Variants in THSD7A observed in about 807,000 individuals in gnomAD.
THSD7A encodes the protein thrombospondin type 1 domain containing 7A.
In THSD7A, 96 loss-of-function variants were observed where a neutral mutation model predicts 231.3. The observed-to-expected ratio is 0.41, with a 90% CI of 0.35 to 0.49. The LOEUF is 0.49. Ranked by LOEUF, THSD7A falls within the 20% of genes least tolerant of loss-of-function variation. THSD7A has a pLI of 0.05. For missense variants in THSD7A, 2,290 were observed against 2,070.2 expected (o/e 1.11, Z -2.06); for synonymous variants, 940 against 743.3 (o/e 1.26, Z -4.30).
At chr7:11,690,611 G>T (rs1780203482) in intron 1 of THSD7A, among the ~76,000 whole-genome samples, 1 of 151,798 alleles carries the variant, frequency 6.6e-6, no homozygotes, top group South Asian at 2.1e-4. Context: ...GAGGACTCTT[G>T]CTCCAGGGAA....
chr7:11,542,354 G>A (rs1481536174), intron 5 of THSD7A, among the ~76,000 whole-genome samples: 2 of 152,148 alleles, frequency 1.3e-5, no homozygotes, highest in African/African-American at 2.4e-5. Flanking sequence ...AAACAAAATT[G>A]AAAAATGTTT....
intron 1 of THSD7A, chr7:11,820,978 C>A: frequency 9.7e-7 from 1 of 1,035,368 alleles, no homozygotes; most frequent in Non-Finnish European, 1.4e-6. Context: ...AGGCGGAGAT[C>A]AACAGGATCA....
intron 4 of THSD7A, among the ~76,000 whole-genome samples, chr7:11,560,516 T>C (rs956941101): frequency 2.6e-5 from 4 of 152,184 alleles, no homozygotes; most frequent in Non-Finnish European, 5.9e-5. Flanking sequence ...CCAGCTAATA[T>C]AAATGAGTTC....
At chr7:11,464,897 G>A (rs915160493) in intron 9 of THSD7A, among the ~76,000 whole-genome samples, 6 of 152,134 alleles carry the variant, frequency 3.9e-5, no homozygotes, top group Admixed American at 2.0e-4. Context: ...AAGTTACAGC[G>A]CTGTAGAGCT....
chr7:11,485,658 C>A (rs1293526490), intron 6 of THSD7A, among the ~76,000 whole-genome samples: 1 of 152,034 alleles, frequency 6.6e-6, no homozygotes, highest in Admixed American at 6.6e-5. Flanking sequence ...CACCAATACC[C>A]CAATCTGCTT....
intron 1 of THSD7A, among the ~76,000 whole-genome samples, chr7:11,808,710 G>A (rs1268918358): frequency 1.3e-5 from 2 of 152,042 alleles, no homozygotes; most frequent in Admixed American, 1.3e-4. Flanking sequence ...ACTAGTACAT[G>A]TATAAACTAT....
intron 4 of THSD7A, among the ~76,000 whole-genome samples, chr7:11,572,566 T>A (rs577532305): frequency 6.6e-5 from 10 of 152,186 alleles, no homozygotes; most frequent in Non-Finnish European, 8.8e-5. Context: ...TGCAGTGCAG[T>A]GGCGCAATCA....
chr7:11,425,651 A>C (rs1006103485), intron 15 of THSD7A, among the ~76,000 whole-genome samples: 13 of 152,010 alleles, frequency 8.6e-5, no homozygotes, highest in Non-Finnish European at 1.6e-4. Flanking sequence ...ATCCATTGCA[A>C]CCAAGCTGAC....
At chr7:11,588,505 C>T (rs954987056) in intron 4 of THSD7A, among the ~76,000 whole-genome samples, 2 of 152,088 alleles carry the variant, frequency 1.3e-5, no homozygotes, top group Non-Finnish European at 2.9e-5. Context: ...TTGACCTTTG[C>T]TTTGGCATTT....
chr7:11,387,434 C>T (rs566768426), intron 23 of THSD7A, among the ~76,000 whole-genome samples: 39 of 151,886 alleles, frequency 2.6e-4, no homozygotes, highest in Non-Finnish European at 5.0e-4. Flanking sequence ...TCACATCCCT[C>T]GTAGGTTGTA....
intron 4 of THSD7A, among the ~76,000 whole-genome samples, chr7:11,589,953 C>G (rs557518789): frequency 3.3e-5 from 5 of 151,992 alleles, no homozygotes; most frequent in Admixed American, 1.3e-4. Context: ...TTAAAAAATG[C>G]CTTTGGGTTA....
intron 23 of THSD7A, among the ~76,000 whole-genome samples, chr7:11,387,160 GTTC>G (rs1782780306): frequency 6.6e-6 from 1 of 152,104 alleles, no homozygotes; most frequent in Admixed American, 6.6e-5. Flanking sequence ...CTCCAGCTTT[GTTC>G]TTTTTGCTTA....
At chr7:11,785,333 C>A (rs1783756356) in intron 1 of THSD7A, among the ~76,000 whole-genome samples, 1 of 152,062 alleles carries the variant, frequency 6.6e-6, no homozygotes, top group Non-Finnish European at 1.5e-5. Flanking sequence ...GACTCCTGGC[C>A]TCAAGTGAAC....
intron 13 of THSD7A, among the ~76,000 whole-genome samples, chr7:11,445,832 C>A (rs1188767927): frequency 6.6e-6 from 1 of 151,992 alleles, no homozygotes; most frequent in Non-Finnish European, 1.5e-5. Context: ...TGGGCCCCAT[C>A]AGGCTTCCTG....
At chr7:11,475,718 T>C (rs1359045269) in intron 7 of THSD7A, among the ~76,000 whole-genome samples, 1 of 150,422 alleles carries the variant, frequency 6.6e-6, no homozygotes, top group Non-Finnish European at 1.5e-5. Flanking sequence ...TAAAATCATT[T>C]AGCTGTAAAA....
chr7:11,674,214 C>T (rs1486240164), intron 1 of THSD7A, among the ~76,000 whole-genome samples: 3 of 152,056 alleles, frequency 2.0e-5, no homozygotes, highest in Non-Finnish European at 4.4e-5. Context: ...TAGGCACCAC[C>T]AAAGCCTGGA....
At position 11,634,870 on chromosome 7, in the gene THSD7A, T is replaced by C. The variant is rs1460518985; in HGVS notation, c.1022+1260A>G. Among the ~76,000 whole-genome samples, 1 of 152,112 alleles carries C rather than the reference T, an allele frequency of 6.6e-6. No homozygotes were observed. The highest frequency in any genetic ancestry group is 2.4e-5 in the African/African-American group (1 of 41,426). ...AATTTTTGTTTATCTAATTAAACTA[T>C]ATCCTTTTCCAAAAACACTTTAAAC... On this transcript the variant is annotated intron_variant, in intron 2 of 27. Transcript: ENST00000423059. The surrounding 1 kb of genome is among the most constrained non-coding windows in gnomAD (Gnocchi z 4.1).
At chr7:11,525,623 T>C (rs926113563) in intron 6 of THSD7A, among the ~76,000 whole-genome samples, 8 of 152,156 alleles carry the variant, frequency 5.3e-5, no homozygotes, top group Admixed American at 5.2e-4. Context: ...TCTGTAGTTG[T>C]CAGAAGTGTA....
At chr7:11,608,965 C>T (rs1780829710) in intron 2 of THSD7A, among the ~76,000 whole-genome samples, 1 of 152,162 alleles carries the variant, frequency 6.6e-6, no homozygotes, top group Admixed American at 6.6e-5. Flanking sequence ...AGAACATTTT[C>T]AAATCATCTG....
Sources: gnomAD v4.1 joint callset for allele counts (sites outside exome capture counted in the v4.1 genomes callset) on GRCh38, gnomAD v4.1.1 for gene constraint, Gnocchi (gnomAD v3.1) non-coding constraint, MANE v1.5 for transcripts, NCBI Gene and HGNC (gene_info 2026-07-23, HGNC 2026-07-21) for gene names.